Variants in SGCD observed in about 807,000 individuals in gnomAD.
SGCD encodes sarcoglycan delta.
SGCD carries 18 observed loss-of-function variants against 36.6 expected under a neutral mutation model. The observed-to-expected ratio is 0.49, with a 90% CI of 0.34 to 0.73. SGCD has a LOEUF of 0.73. Ranked by LOEUF, SGCD falls within the 30% of genes least tolerant of loss-of-function variation. The pLI is 0.01. For missense variants in SGCD, 387 were observed against 346.7 expected, an observed-to-expected ratio of 1.12 and a Z score of -0.92; for synonymous variants, 133 against 130.6, an observed-to-expected ratio of 1.02 and a Z score of -0.12.
At chr5:156,347,401 C>T (rs1769006344) in intron 3 of SGCD, among the ~76,000 whole-genome samples, 1 of 152,106 alleles carries the variant, frequency 6.6e-6, no homozygotes, top group African/African-American at 2.4e-5. Flanking sequence ...GAAGCTAGGG[C>T]AGTAGTATGG....
chr5:156,547,593 T>C (rs11738926), intron 4 of SGCD, among the ~76,000 whole-genome samples: 78,350 of 151,854 alleles, frequency 0.52, 20,841 homozygotes, highest in African/African-American at 0.63. Flanking sequence ...CAGGTGCCCA[T>C]CACAATGCCC....
intron 1 of SGCD, among the ~76,000 whole-genome samples, chr5:155,911,973 C>T (rs1360340039): frequency 6.6e-6 from 1 of 152,008 alleles, no homozygotes; most frequent in Non-Finnish European, 1.5e-5. Flanking sequence ...ACCACATTGC[C>T]CACTCTATCT....
chr5:156,661,487 A>G (rs1181122745), intron 7 of SGCD, among the ~76,000 whole-genome samples: 952 of 94,714 alleles, frequency 0.01, no homozygotes, highest in South Asian at 0.015. Flanking sequence ...GTTGGTCAAA[A>G]TCTTGTAACA....
At position 156,345,182 on chromosome 5, in the gene SGCD, G is replaced by A. The variant is rs556282115; in HGVS notation, c.192+505G>A. Among the ~76,000 whole-genome samples, 7 of 152,000 alleles carry A rather than the reference G, an allele frequency of 4.6e-5. No homozygotes were observed. In the East Asian group the frequency reaches 9.7e-4, roughly 21 times the overall value. ...GAATATCCTGGGTTTTTCGGAGGAC[G>A]ATCCTCTTTGCCACTAGTCTGGGTA... On this transcript the variant is annotated intron_variant, in intron 3 of 8. Coordinates refer to ENST00000337851, the MANE Select transcript of SGCD (RefSeq NM_000337.6).
At chr5:156,238,325 A>C (rs1172356230) in intron 3 of SGCD, among the ~76,000 whole-genome samples, 1 of 152,224 alleles carries the variant, frequency 6.6e-6, no homozygotes, top group African/African-American at 2.4e-5. Flanking sequence ...TAGAACCTGC[A>C]GTCCTTTAGA....
intron 3 of SGCD, among the ~76,000 whole-genome samples, chr5:156,220,062 C>A (rs919357493): frequency 2.0e-5 from 3 of 152,134 alleles, no homozygotes; most frequent in Non-Finnish European, 2.9e-5. Flanking sequence ...AAATACATAT[C>A]TACACGTAGC....
the SGCD span, among the ~76,000 whole-genome samples, chr5:155,811,024 A>G: frequency 6.7e-6 from 1 of 149,688 alleles, no homozygotes; most frequent in Non-Finnish European, 1.5e-5. Context: ...TCACCGTTTT[A>G]GCCGGGATGG....
chr5:156,164,661 G>A (rs531980063), intron 3 of SGCD, among the ~76,000 whole-genome samples: 86 of 152,236 alleles, frequency 5.6e-4, no homozygotes, highest in African/African-American at 2.0e-3. Flanking sequence ...AGTGAGTATC[G>A]AACCCAAATG....
chr5:156,165,457 T>A (rs1215622857), intron 3 of SGCD, among the ~76,000 whole-genome samples: 1 of 152,194 alleles, frequency 6.6e-6, no homozygotes, highest in African/African-American at 2.4e-5. Context: ...GTAGCTGAAT[T>A]CCATTTTAAT....
the SGCD span, among the ~76,000 whole-genome samples, chr5:155,728,185 G>A: frequency 9.8e-3 from 1,491 of 152,104 alleles, 33 homozygotes; most frequent in African/African-American, 0.035. Flanking sequence ...GCCCCCACCC[G>A]CGGCTCGCCC....
the SGCD span, among the ~76,000 whole-genome samples, chr5:155,843,048 T>C: frequency 6.6e-6 from 1 of 152,208 alleles, no homozygotes; most frequent in African/African-American, 2.4e-5. Context: ...TATTCCATGC[T>C]CCATTTCTCA....
At chr5:155,921,320 A>G (rs1756873212) in intron 1 of SGCD, among the ~76,000 whole-genome samples, 1 of 152,206 alleles carries the variant, frequency 6.6e-6, no homozygotes, top group South Asian at 2.1e-4. Flanking sequence ...AAGAAAAAAC[A>G]CAAAATGACC....
At chr5:156,217,544 TC>T (rs1192286943) in intron 3 of SGCD, among the ~76,000 whole-genome samples, 1 of 152,178 alleles carries the variant, frequency 6.6e-6, no homozygotes, top group Non-Finnish European at 1.5e-5. Context: ...ATTTAGTGTC[TC>T]CCTAACTTTT....
At chr5:156,348,440 A>G (rs1211463235) in intron 3 of SGCD, among the ~76,000 whole-genome samples, 1 of 152,192 alleles carries the variant, frequency 6.6e-6, no homozygotes, top group Admixed American at 6.5e-5. Context: ...TACACAAATG[A>G]GCAGCACTGC....
Position 156,765,388 on chromosome 5 carries a change from G to A in SGCD, c.*5998G>A, listed in dbSNP as rs1422934947. 6.6e-6 allele frequency: 1 copy of A among 152,092 alleles called. No homozygotes were observed. Among genetic ancestry groups the A allele is most frequent in the Non-Finnish European group, 1.5e-5 (1 of 68,012 alleles). The allele number at this position is 152,092 out of a possible 1,614,324, so 9.4% of individuals were successfully genotyped here. On this transcript the variant is annotated 3_prime_UTR_variant, in exon 9 of 9. Transcript: ENST00000337851. ...TTCCCATATTCATCTAATTCATGGG[G>A]TTCTAACATTTTGGGGGGCCATAGA...
At chr5:155,780,282 A>G in the SGCD span, among the ~76,000 whole-genome samples, 1 of 152,334 alleles carries the variant, frequency 6.6e-6, no homozygotes, top group South Asian at 2.1e-4. Context: ...CTTTAGAGCC[A>G]TATTGTGTTG....
intron 1 of SGCD, among the ~76,000 whole-genome samples, chr5:155,892,870 A>C (rs1026933630): frequency 1.3e-5 from 2 of 152,354 alleles, no homozygotes. Context: ...AAAGACAAAT[A>C]CGCATGATCT....
chr5:156,547,758 T>C (rs1405725162), intron 4 of SGCD, among the ~76,000 whole-genome samples: 7 of 152,144 alleles, frequency 4.6e-5, no homozygotes, highest in Non-Finnish European at 1.0e-4. Flanking sequence ...AAATAAAAGA[T>C]TGGGAAGGCT....
Position 156,711,684 on chromosome 5 carries a change from G to A in SGCD, c.576-45897G>A, listed in dbSNP as rs149729459. Among the ~76,000 whole-genome samples, 270 of 152,224 alleles carry A rather than the reference G, an allele frequency of 1.8e-3. 1 individual carries two copies. Among genetic ancestry groups the A allele is most frequent in the African/African-American group, 6.0e-3 (248 of 41,548 alleles). On this transcript the variant is annotated intron_variant, in intron 7 of 8. Coordinates refer to ENST00000337851, the MANE Select transcript of SGCD (RefSeq NM_000337.6). ...TTTTTGAAATCAGCTTTTATATTTT[G>A]TTGACTTTCTGAAATTCTCCAAAGC...
Sources: gnomAD v4.1 joint callset for allele counts (sites outside exome capture counted in the v4.1 genomes callset) on GRCh38, gnomAD v4.1.1 for gene constraint, MANE v1.5 for transcripts, NCBI Gene and HGNC (gene_info 2026-07-23, HGNC 2026-07-21) for gene names.